Variants in MEOX2 observed in about 807,000 individuals in gnomAD.
The protein encoded by MEOX2 is mesenchyme homeobox 2, also known as homeobox protein MOX-2.
MEOX2 carries 11 observed loss-of-function variants against 27.0 expected under a neutral mutation model. The observed-to-expected ratio is 0.41, with a 90% CI of 0.26 to 0.68. MEOX2 has a LOEUF of 0.68. Among genes scored for constraint, MEOX2 ranks in the 30% least tolerant of loss-of-function variants. The pLI, the probability that MEOX2 is intolerant of heterozygous loss-of-function variation, is 0.33. For synonymous variants in MEOX2, 189 were observed against 155.4 expected (o/e 1.22, Z -1.61); for missense variants, 436 against 385.4 (o/e 1.13, Z -1.10).
At chr7:15,664,992 G>C (rs1424185013) in intron 1 of MEOX2, among the ~76,000 whole-genome samples, 1 of 151,456 alleles carries the variant, frequency 6.6e-6, no homozygotes, top group Non-Finnish European at 1.5e-5. Flanking sequence ...GTTTATTTCA[G>C]AGGAAATGAA....
At chr7:15,634,915 G>C (rs145965030) in intron 1 of MEOX2, among the ~76,000 whole-genome samples, 3 of 152,008 alleles carry the variant, frequency 2.0e-5, no homozygotes, top group Non-Finnish European at 4.4e-5. Flanking sequence ...CATCACCATA[G>C]AAATTACCAT....
At chr7:15,614,196 T>C (rs1781084363) in intron 2 of MEOX2, among the ~76,000 whole-genome samples, 1 of 141,926 alleles carries the variant, frequency 7.0e-6, no homozygotes, top group Non-Finnish European at 1.6e-5. Context: ...TCTCTACAAA[T>C]AAATAGATAA....
intron 1 of MEOX2, among the ~76,000 whole-genome samples, chr7:15,637,500 A>G (rs1283932864): frequency 6.6e-6 from 1 of 151,770 alleles, no homozygotes; most frequent in Non-Finnish European, 1.5e-5. Flanking sequence ...TTACTCCTAA[A>G]ATGTAATTTT....
At chr7:15,667,005 A>C (rs1782018328) in intron 1 of MEOX2, among the ~76,000 whole-genome samples, 1 of 150,650 alleles carries the variant, frequency 6.6e-6, no homozygotes, top group African/African-American at 2.4e-5. Flanking sequence ...AGAAGTAGGA[A>C]ATAAGGCTGG....
At chr7:15,639,848 T>C (rs1781533352) in intron 1 of MEOX2, among the ~76,000 whole-genome samples, 2 of 152,158 alleles carry the variant, frequency 1.3e-5, no homozygotes, top group South Asian at 2.1e-4. Context: ...TACCAAACTG[T>C]TTTGGTTACT....
chr7:15,666,588 C>G (rs953847709), intron 1 of MEOX2, among the ~76,000 whole-genome samples: 1 of 150,920 alleles, frequency 6.6e-6, no homozygotes, highest in Non-Finnish European at 1.5e-5. Flanking sequence ...CCTGTCTCTA[C>G]TAAAATACAA....
intron 1 of MEOX2, among the ~76,000 whole-genome samples, chr7:15,675,670 A>G (rs547338264): frequency 8.2e-4 from 125 of 152,248 alleles, no homozygotes; most frequent in Non-Finnish European, 1.4e-3. Context: ...TAGTGTCTTG[A>G]TTATTTTGAT....
intron 1 of MEOX2, among the ~76,000 whole-genome samples, chr7:15,635,049 A>C (rs566360208): frequency 6.6e-6 from 1 of 152,132 alleles, no homozygotes; most frequent in East Asian, 1.9e-4. Context: ...TTACATCCAT[A>C]TCATTTAATT....
chr7:15,638,236 G>A (rs1028581550), intron 1 of MEOX2, among the ~76,000 whole-genome samples: 1 of 152,094 alleles, frequency 6.6e-6, no homozygotes, highest in Non-Finnish European at 1.5e-5. Context: ...TTAATAGGTT[G>A]TGAAAGTCTG....
At chr7:15,615,403 A>G (rs1022707806) in intron 2 of MEOX2, among the ~76,000 whole-genome samples, 2 of 136,600 alleles carry the variant, frequency 1.5e-5, no homozygotes, top group African/African-American at 5.5e-5. Flanking sequence ...TTATATTTCA[A>G]TCTCCTATTT....
chr7:15,662,568 A>G (rs1387658002), intron 1 of MEOX2, among the ~76,000 whole-genome samples: 1 of 152,112 alleles, frequency 6.6e-6, no homozygotes, highest in Non-Finnish European at 1.5e-5. Flanking sequence ...TGTAGTTGCC[A>G]GGCAATATAA....
intron 1 of MEOX2, among the ~76,000 whole-genome samples, chr7:15,666,779 A>T (rs13233510): frequency 3.4e-3 from 113 of 33,228 alleles, no homozygotes; most frequent in East Asian, 9.6e-3. Flanking sequence ...AAAAAAAAAA[A>T]ATATATATAT....
intron 1 of MEOX2, among the ~76,000 whole-genome samples, chr7:15,632,552 C>T (rs977809134): frequency 4.0e-5 from 6 of 151,452 alleles, no homozygotes; most frequent in Non-Finnish European, 7.4e-5. Flanking sequence ...ATGTGCAATT[C>T]GAAAACAAAA....
At position 15,651,982 on chromosome 7, in the gene MEOX2, C is replaced by G. The variant is rs574648604; in HGVS notation, c.518-25064G>C. On this transcript the variant is annotated intron_variant, in intron 1 of 2. Coordinates refer to ENST00000262041, the MANE Select transcript of MEOX2 (RefSeq NM_005924.5). ...TATCCTGAAAAGGAATGATCTAGAA[C>G]CATTCAATGATTAACTCATCTTCTT... is the stretch of plus-strand genomic sequence containing the variant. Among the ~76,000 whole-genome samples, 126 of 152,068 alleles carry G rather than the reference C, an allele frequency of 8.3e-4. 5 individuals carry two copies. The South Asian group carries it at 0.021, about 25-fold the overall frequency.
chr7:15,648,680 T>G (rs1030527216), intron 1 of MEOX2, among the ~76,000 whole-genome samples: 1 of 152,116 alleles, frequency 6.6e-6, no homozygotes, highest in Admixed American at 6.6e-5. Flanking sequence ...GAAGAGTTAC[T>G]GCCAGAAATA....
At chr7:15,618,865 G>A (rs1300293833) in intron 2 of MEOX2, among the ~76,000 whole-genome samples, 2 of 151,616 alleles carry the variant, frequency 1.3e-5, no homozygotes, top group East Asian at 3.9e-4. Context: ...CTGACCCATA[G>A]AAAAGTCAAT....
intron 1 of MEOX2, among the ~76,000 whole-genome samples, chr7:15,650,711 G>C (rs1252101564): frequency 6.6e-6 from 1 of 151,842 alleles, no homozygotes; most frequent in Non-Finnish European, 1.5e-5. Flanking sequence ...TTTTTTGGGG[G>C]GGAGACTTCT....
intron 1 of MEOX2, among the ~76,000 whole-genome samples, chr7:15,643,269 G>T (rs1217633195): frequency 2.6e-5 from 4 of 152,126 alleles, no homozygotes; most frequent in Admixed American, 1.3e-4. Context: ...CCTGGTGAAG[G>T]GTGGGGCTGG....
chr7:15,649,267 A>G (rs1396723319), intron 1 of MEOX2, among the ~76,000 whole-genome samples: 1 of 152,156 alleles, frequency 6.6e-6, no homozygotes, highest in Non-Finnish European at 1.5e-5. Flanking sequence ...ACTAGGAAAC[A>G]AATTGTAAGT....
Sources: allele counts gnomAD v4.1 joint callset (sites outside exome capture counted in the v4.1 genomes callset), GRCh38; gene constraint gnomAD v4.1.1; transcripts MANE v1.5; gene names NCBI Gene and HGNC (gene_info 2026-07-23, HGNC 2026-07-21).